The following PCDH9 variants were observed in gnomAD, a reference collection of about 807,000 sequenced individuals.
PCDH9 encodes the protein protocadherin 9.
PCDH9 carries 24 observed loss-of-function variants against 70.6 expected under a neutral mutation model. The observed-to-expected ratio is 0.34, with a 90% CI of 0.25 to 0.48. PCDH9 has a LOEUF of 0.48. Among genes scored for constraint, PCDH9 ranks in the 20% least tolerant of loss-of-function variants. The probability of loss-of-function intolerance (pLI) is 0.99; values close to 1 mark genes in which losing one functional copy is unlikely to be tolerated. For synonymous variants in PCDH9, 562 were observed against 558.5 expected (o/e 1.01, Z -0.09); for missense variants, 1,281 against 1,503.6 (o/e 0.85, Z 2.45).
At chr13:66,762,527 C>T (rs2079645839) in intron 3 of PCDH9, among the ~76,000 whole-genome samples, 1 of 152,034 alleles carries the variant, frequency 6.6e-6, no homozygotes, top group Non-Finnish European at 1.5e-5. Context: ...AGGAATTAAA[C>T]AGGTAATGTA....
chr13:66,320,782 C>T lies in PCDH9; in HGVS notation c.3341-15754G>A, dbSNP rs73505817. Among the ~76,000 whole-genome samples the T allele has an allele frequency of 9.4e-3, 1,427 of 151,996 alleles. 45 individuals carry two copies. Among genetic ancestry groups the T allele is most frequent in the African/African-American group, 0.032 (1,336 of 41,342 alleles). ...AGTATTATTTTAGTTAATATAACTA[C>T]ATTAGGTGGGTCTTAATTATAGTTC... On this transcript the variant is annotated intron_variant, in intron 4 of 4. Transcript: ENST00000377865.
chr13:66,332,919 T>C (rs1427111196), intron 4 of PCDH9, among the ~76,000 whole-genome samples: 1 of 152,074 alleles, frequency 6.6e-6, no homozygotes, highest in African/African-American at 2.4e-5. Flanking sequence ...TGAATGTTCA[T>C]TGAGATGACA....
intron 4 of PCDH9, 123 bp from the exon 5 acceptor site, chr13:66,305,151 G>A: frequency 1.2e-6 from 1 of 840,498 alleles, no homozygotes; most frequent in South Asian, 2.1e-5. Context: ...ATCAAGTCAA[G>A]CAACTCAAAG....
chr13:66,355,503 A>G (rs909094659), intron 4 of PCDH9, among the ~76,000 whole-genome samples: 1 of 151,980 alleles, frequency 6.6e-6, no homozygotes, highest in African/African-American at 2.4e-5. Context: ...TGTTGTTTAA[A>G]ATGGCCTCAA....
At position 66,507,915 on chromosome 13, in the gene PCDH9, G is replaced by T. The variant is rs573699376; in HGVS notation, c.3340+123295C>A. ...TTTTTGTATTTTTAGTAGAGACAGG[G>T]TTTCACCGCGTTAGCCAGGATGGTC... On this transcript the variant is annotated intron_variant, in intron 4 of 4. Transcript: ENST00000377865. Among the ~76,000 whole-genome samples, 42 of 152,156 alleles carry T rather than the reference G, an allele frequency of 2.8e-4. No homozygotes were observed. The South Asian group carries it at 8.5e-3, about 31-fold the overall frequency.
intron 3 of PCDH9, among the ~76,000 whole-genome samples, chr13:66,761,534 C>G (rs1594023169): frequency 1.3e-5 from 2 of 151,988 alleles, no homozygotes; most frequent in East Asian, 3.9e-4. Context: ...TTCTTCATTT[C>G]TTTTCATTAT....
At chr13:66,976,325 T>C (rs527395845) in intron 2 of PCDH9, among the ~76,000 whole-genome samples, 3 of 152,244 alleles carry the variant, frequency 2.0e-5, no homozygotes, top group East Asian at 1.9e-4. Context: ...TAGTAGTCTA[T>C]GTAAAGTAGT....
intron 2 of PCDH9, among the ~76,000 whole-genome samples, chr13:67,156,654 A>C (rs2087821551): frequency 6.6e-6 from 1 of 152,220 alleles, no homozygotes. Flanking sequence ...CTTTCGGTAC[A>C]CAAAGGCGAG....
At position 67,019,188 on chromosome 13, in the gene PCDH9, C is replaced by CTTTT. The variant is rs60154161; in HGVS notation, c.3037-115587_3037-115584dup. On this transcript the variant is annotated intron_variant, in intron 2 of 4. Coordinates refer to ENST00000377865, the MANE Select transcript of PCDH9 (RefSeq NM_203487.3). ...TCCTTAACACCTTCAGGCAGTTGCTCTTTTTTTTTTTTTTTTTTTTTCTGA... is the reference window on the plus strand; with the variant it reads ...TCCTTAACACCTTCAGGCAGTTGCTCTTTTTTTTTTTTTTTTTTTTTTTTTCTGA... 5.8e-3 allele frequency among the ~76,000 whole-genome samples: 595 copies of CTTTT among 102,496 alleles called. 5 individuals are homozygous for CTTTT. The highest frequency in any genetic ancestry group is 9.9e-3 in the East Asian group (32 of 3,222). The allele number at this position is 102,496 out of a possible 152,430, so 67.2% of individuals were successfully genotyped here. A position where few individuals can be genotyped will look rare whatever the true frequency, so the allele number is the denominator to read the frequency against.
At chr13:67,012,029 G>A (rs1594389086) in intron 2 of PCDH9, among the ~76,000 whole-genome samples, 1 of 151,898 alleles carries the variant, frequency 6.6e-6, no homozygotes, top group Admixed American at 6.6e-5. Context: ...CTTGAATAGA[G>A]TATCCTATGT....
chr13:66,507,159 C>G (rs904463851), intron 4 of PCDH9, among the ~76,000 whole-genome samples: 2 of 152,142 alleles, frequency 1.3e-5, no homozygotes, highest in Admixed American at 6.5e-5. Flanking sequence ...CTGTTGATTG[C>G]CTGCCTGAGC....
At chr13:66,982,502 T>C (rs2083795041) in intron 2 of PCDH9, among the ~76,000 whole-genome samples, 3 of 152,180 alleles carry the variant, frequency 2.0e-5, no homozygotes, top group Admixed American at 2.0e-4. Flanking sequence ...TATTTGGTTA[T>C]AAAGGTAGGA....
intron 4 of PCDH9, among the ~76,000 whole-genome samples, chr13:66,597,297 A>C (rs1482970265): frequency 6.6e-6 from 1 of 151,836 alleles, no homozygotes; most frequent in Non-Finnish European, 1.5e-5. Context: ...AAGGACCTTC[A>C]AAGTAGAAGC....
At chr13:66,730,874 G>A in intron 3 of PCDH9, among the ~76,000 whole-genome samples, 1 of 22,714 alleles carries the variant, frequency 4.4e-5, no homozygotes, top group Admixed American at 9.3e-4. Context: ...TTGTGTGTGT[G>A]TGTTTTTTTT....
At position 67,227,605 on chromosome 13, in the gene PCDH9, G is replaced by A. The variant is rs955496511; in HGVS notation, c.836C>T (p.Ala279Val). 4 of 1,613,810 alleles carry A rather than the reference G, an allele frequency of 2.5e-6. No homozygotes were observed. The highest frequency in any genetic ancestry group is 3.4e-6 in the Non-Finnish European group (4 of 1,179,842). The change falls in exon 2 of 5, where the codon GCA (alanine) becomes GTA (valine). Residue 279 changes from alanine to valine, a missense_variant. Ala to Val is a moderately conservative substitution (Grantham distance 64). Around this residue, in one of 4 missense-constraint regions of PCDH9, gnomAD observed 798 missense variants for 1,003.1 expected, o/e 0.80. Coordinates refer to ENST00000377865, the MANE Select transcript of PCDH9 (RefSeq NM_203487.3). The surrounding 1 kb of genome is among the most constrained non-coding windows in gnomAD (Gnocchi z 4.6). ...TSVIQLHATD[A>V]DIGSNAEIRY... The stretch of plus-strand genomic sequence containing the variant: ...GATTTCAGCATTACTGCCTATATCT[G>A]CATCAGTGGCATGGAGCTGAATTAC...
At chr13:66,564,386 G>C (rs2076622139) in intron 4 of PCDH9, among the ~76,000 whole-genome samples, 1 of 151,904 alleles carries the variant, frequency 6.6e-6, no homozygotes, top group African/African-American at 2.4e-5. Flanking sequence ...GGCTGGTCTT[G>C]AACTCCTGGG....
intron 2 of PCDH9, chr13:67,215,934 C>A (rs2089590519): frequency 6.6e-6 from 1 of 152,106 alleles, no homozygotes; most frequent in Admixed American, 6.6e-5. Flanking sequence ...GATTTTCATA[C>A]TTTAAGTAGT....
chr13:67,120,487 CT>C (rs1566437586), intron 2 of PCDH9, among the ~76,000 whole-genome samples: 1 of 152,052 alleles, frequency 6.6e-6, no homozygotes, highest in Non-Finnish European at 1.5e-5. Context: ...GCCCTTGCTC[CT>C]TTGCTTCTTT....
chr13:66,569,910 T>G (rs1382500899), intron 4 of PCDH9, among the ~76,000 whole-genome samples: 1 of 152,148 alleles, frequency 6.6e-6, no homozygotes, highest in Non-Finnish European at 1.5e-5. Flanking sequence ...ACACCCTTGG[T>G]TATTTATCCA....
Sources: gnomAD v4.1 joint callset for allele counts (sites outside exome capture counted in the v4.1 genomes callset) on GRCh38, gnomAD v4.1.1 for gene constraint, gnomAD v4.1.1 regional missense constraint, Gnocchi (gnomAD v3.1) non-coding constraint, MANE v1.5 for transcripts, NCBI Gene and HGNC (gene_info 2026-07-23, HGNC 2026-07-21) for gene names.